The following SPON1 variants were observed in gnomAD, a reference collection of about 807,000 sequenced individuals.
The protein encoded by SPON1 is spondin 1.
In SPON1, 52 loss-of-function variants were observed where a neutral mutation model predicts 111.7. That is an observed-to-expected ratio of 0.47 (90% confidence interval 0.37 to 0.59). The LOEUF (loss-of-function observed/expected upper bound fraction) is 0.59. SPON1 is among the 20% of genes least tolerant of loss of function. The pLI is 0.00. For synonymous variants in SPON1, 410 were observed against 395.8 expected, an observed-to-expected ratio of 1.04 and a Z score of -0.43; for missense variants, 957 against 1,068.5, an observed-to-expected ratio of 0.90 and a Z score of 1.46.
At position 14,259,736 on chromosome 11, in the gene SPON1, A is replaced by T. The variant is rs917268798; in HGVS notation, c.1831+35A>T. The T allele has an allele frequency of 6.4e-7, 1 of 1,553,000 alleles. No homozygotes were observed. Among genetic ancestry groups the T allele is most frequent in the Non-Finnish European group, 8.7e-7 (1 of 1,148,128 alleles). ...AGCGGGGGTGGACTTGGAGGAGGCC[A>T]CTGGGGACAGGCGTGGAGGGCCATG... On this transcript the variant is annotated intron_variant, in intron 13 of 15. Transcript: ENST00000576479. This position sits in a 1 kb window ranked among gnomAD's most constrained non-coding sequence, Gnocchi z 5.0.
chr11:14,126,326 A>G (rs1847458994), intron 5 of SPON1, among the ~76,000 whole-genome samples: 2 of 152,210 alleles, frequency 1.3e-5, no homozygotes, highest in African/African-American at 4.8e-5. Context: ...CACTAGATAA[A>G]ATATCAGACA....
At chr11:13,976,310 G>A (rs1344187139) in intron 1 of SPON1, among the ~76,000 whole-genome samples, 2 of 152,106 alleles carry the variant, frequency 1.3e-5, no homozygotes, top group Non-Finnish European at 2.9e-5. Flanking sequence ...TCATTAGAGA[G>A]AAGATTCTAT....
rs373099992 is a variant in SPON1, at chr11:14,154,124, A to G, written c.825+18556A>G. Among the ~76,000 whole-genome samples the G allele has an allele frequency of 2.2e-4, 34 of 152,264 alleles. No homozygotes were observed. In the South Asian group the frequency reaches 6.8e-3, roughly 31 times the overall value. On this transcript the variant is annotated intron_variant, in intron 6 of 15. Transcript: ENST00000576479. ...TGCAGCTTTTCCAGGCACATGGTGCAAGCTGTTGGTAGATCTACCATTCTG... is the reference window on the plus strand; with the variant it reads ...TGCAGCTTTTCCAGGCACATGGTGCGAGCTGTTGGTAGATCTACCATTCTG...
Position 14,163,871 on chromosome 11 carries a change from C to A in SPON1, c.825+28303C>A, listed in dbSNP as rs567064015. ...CGCTTTAGCAACAGCCCTGGTTACC[C>A]CCACACCCATAAAGGCTACTTTGCC... On this transcript the variant is annotated intron_variant, in intron 6 of 15. Transcript: ENST00000576479. Among the ~76,000 whole-genome samples the A allele has an allele frequency of 7.2e-5, 11 of 151,986 alleles. No homozygotes were observed. The South Asian group carries it at 1.9e-3, about 26-fold the overall frequency.
intron 6 of SPON1, among the ~76,000 whole-genome samples, chr11:14,178,128 A>G (rs1334105126): frequency 2.6e-5 from 4 of 151,324 alleles, no homozygotes; most frequent in Middle Eastern, 3.4e-3. Context: ...AGATTATTGT[A>G]TTCTACACAC....
intron 4 of SPON1, among the ~76,000 whole-genome samples, chr11:14,077,333 A>C (rs1350284325): frequency 6.6e-6 from 1 of 152,230 alleles, no homozygotes; most frequent in African/African-American, 2.4e-5. Context: ...TAGTTTTAAA[A>C]AGCAAGATAA....
chr11:14,041,179 A>G (rs1217229756), intron 2 of SPON1, among the ~76,000 whole-genome samples: 1 of 152,124 alleles, frequency 6.6e-6, no homozygotes. Flanking sequence ...TTTGATTTGG[A>G]TTACCCCTCC....
chr11:14,136,588 A>G (rs950118306), intron 6 of SPON1, among the ~76,000 whole-genome samples: 3 of 152,210 alleles, frequency 2.0e-5, no homozygotes. Flanking sequence ...CTGGACTCCA[A>G]GCTGCCCACA....
intron 2 of SPON1, among the ~76,000 whole-genome samples, chr11:14,038,272 C>T (rs1848608886): frequency 6.6e-6 from 1 of 152,018 alleles, no homozygotes; most frequent in African/African-American, 2.4e-5. Context: ...TCAAAACCAG[C>T]CTGGCCAACA....
At chr11:14,132,086 G>C (rs999535975) in intron 5 of SPON1, among the ~76,000 whole-genome samples, 6 of 152,176 alleles carry the variant, frequency 3.9e-5, no homozygotes, top group Non-Finnish European at 8.8e-5. Flanking sequence ...AGACCAGCCT[G>C]GCCAACATGG....
At chr11:14,205,497 C>A (rs1356920412) in intron 6 of SPON1, among the ~76,000 whole-genome samples, 7 of 152,206 alleles carry the variant, frequency 4.6e-5, no homozygotes, top group African/African-American at 7.2e-5. Flanking sequence ...TCATAACCAA[C>A]TCAAGCAGCT....
chr11:14,116,693 CTA>C (rs1849269552), intron 5 of SPON1, among the ~76,000 whole-genome samples: 1 of 152,002 alleles, frequency 6.6e-6, no homozygotes, highest in South Asian at 2.1e-4. Flanking sequence ...GATTATTTGG[CTA>C]TTCTTGGTCA....
intron 6 of SPON1, among the ~76,000 whole-genome samples, chr11:14,221,987 C>T (rs1336435721): frequency 6.6e-6 from 1 of 152,192 alleles, no homozygotes; most frequent in Admixed American, 6.5e-5. Flanking sequence ...GTAGCTCTTC[C>T]TGGGACTAGG....
intron 6 of SPON1, among the ~76,000 whole-genome samples, chr11:14,160,929 ATATT>A (rs1340235889): frequency 8.7e-5 from 3 of 34,474 alleles, no homozygotes; most frequent in Non-Finnish European, 1.4e-4. Context: ...ATATATTTAT[ATATT>A]TATATATATA....
At chr11:14,091,584 C>T (rs1554923378) in intron 5 of SPON1, among the ~76,000 whole-genome samples, 2 of 152,224 alleles carry the variant, frequency 1.3e-5, no homozygotes, top group African/African-American at 4.8e-5. Flanking sequence ...CTAAGTCCCT[C>T]ATTGCCCGGG....
rs187950569 is a variant in SPON1 at position 13,997,951 on chromosome 11, A to G, written c.345+14998A>G. Among the ~76,000 whole-genome samples, 3 of 152,296 alleles carry G rather than the reference A, an allele frequency of 2.0e-5. No individual in the cohort carries two copies. In the East Asian group the frequency reaches 5.8e-4, roughly 29 times the overall value. ...CGGAAACCACACTAGATACTATTCT[A>G]GTTGCTTCGTATACTTTAACTTTCT... On this transcript the variant is annotated intron_variant, in intron 2 of 15. Coordinates refer to ENST00000576479, the MANE Select transcript of SPON1 (RefSeq NM_006108.4).
chr11:14,116,735 T>G (rs1250102662), intron 5 of SPON1, among the ~76,000 whole-genome samples: 2 of 152,068 alleles, frequency 1.3e-5, no homozygotes, highest in African/African-American at 4.8e-5. Context: ...GTTAGAATCA[T>G]GATCGATTTA....
chr11:14,136,381 T>C (rs1554928085), intron 6 of SPON1, among the ~76,000 whole-genome samples: 1 of 152,208 alleles, frequency 6.6e-6, no homozygotes, highest in Non-Finnish European at 1.5e-5. Flanking sequence ...GAGCAAAGCA[T>C]GCTTGGGATG....
chr11:13,996,815 A>T (rs1406648709), intron 2 of SPON1, among the ~76,000 whole-genome samples: 1 of 152,112 alleles, frequency 6.6e-6, no homozygotes, highest in Non-Finnish European at 1.5e-5. Flanking sequence ...TTATGGGAAC[A>T]TTATATTGTG....
Sources: allele counts gnomAD v4.1 joint callset (sites outside exome capture counted in the v4.1 genomes callset), GRCh38; gene constraint gnomAD v4.1.1; non-coding constraint Gnocchi (gnomAD v3.1); transcripts MANE v1.5; gene names NCBI Gene and HGNC (gene_info 2026-07-23, HGNC 2026-07-21).